PRKG2: variants seen among roughly 807,000 people sequenced by gnomAD.
PRKG2 encodes cGMP-dependent protein kinase 2.
Under a neutral mutation model 97.2 loss-of-function variants are expected in PRKG2, and 33 were observed. The ratio of observed to expected loss-of-function variants is 0.34; its 90% CI spans 0.26 to 0.45. PRKG2 has a LOEUF of 0.45. Among genes scored for constraint, PRKG2 ranks in the 20% least tolerant of loss-of-function variants. PRKG2 has a pLI of 1.00. For missense variants in PRKG2, 638 were observed against 900.0 expected, an observed-to-expected ratio of 0.71 and a Z score of 3.73; for synonymous variants, 330 against 321.8, an observed-to-expected ratio of 1.03 and a Z score of -0.27.
chr4:81,093,954 A>G (rs528946403), intron 17 of PRKG2, among the ~76,000 whole-genome samples: 2 of 152,272 alleles, frequency 1.3e-5, no homozygotes, highest in African/African-American at 4.8e-5. Flanking sequence ...GCCAACCGAT[A>G]TTTATGGAAA....
At chr4:81,187,169 C>G (rs1440474062) in intron 2 of PRKG2, among the ~76,000 whole-genome samples, 1 of 151,938 alleles carries the variant, frequency 6.6e-6, no homozygotes, top group Non-Finnish European at 1.5e-5. Context: ...AGAGACACAA[C>G]AAAAAAAGAA....
chr4:81,137,370 G>A (rs372764055), intron 13 of PRKG2, 23 bp downstream of exon 13: 10 of 1,525,804 alleles, frequency 6.6e-6, no homozygotes, highest in Non-Finnish European at 8.2e-6. Context: ...GGCCAGATGT[G>A]AGTATACAAA....
chr4:81,129,592 CT>C (rs1237194712), intron 14 of PRKG2, among the ~76,000 whole-genome samples: 4 of 152,022 alleles, frequency 2.6e-5, no homozygotes, highest in Non-Finnish European at 4.4e-5. Context: ...ATGTAATGCC[CT>C]TCTTTGTCTT....
chr4:81,140,479 C>T, intron 12 of PRKG2, 54 bp downstream of exon 12: 1 of 1,424,556 alleles, frequency 7.0e-7, no homozygotes, highest in Admixed American at 2.3e-5. Context: ...TAAGTAAATA[C>T]ATAAATAAAG....
chr4:81,148,848 G>A (rs750959758), intron 9 of PRKG2, 36 bp downstream of exon 9: 7 of 1,580,166 alleles, frequency 4.4e-6, no homozygotes, highest in Non-Finnish European at 6.1e-6. Flanking sequence ...TTCAAAGGTG[G>A]CAGTGGCCTG....
rs1401936272 is a variant in PRKG2 at position 81,088,994 on chromosome 4, G to A, written c.*714C>T. ...CAAGGACTTTCGAAAAGTCTCTAAG[G>A]TATCACTGATCATAAAGGAGAGAAA... On this transcript the variant is annotated 3_prime_UTR_variant, in exon 19 of 19. Transcript: ENST00000264399. The A allele has an allele frequency of 6.6e-6, 1 of 152,090 alleles. No homozygotes were observed. The highest frequency in any genetic ancestry group is 1.5e-5 in the Non-Finnish European group (1 of 68,014). 9.4% of individuals were successfully genotyped at this position (152,090 alleles called of 1,614,324 possible). A position where few individuals can be genotyped will look rare whatever the true frequency, so the allele number is the denominator to read the frequency against.
At chr4:81,159,807 T>A (rs928491534) in intron 6 of PRKG2, among the ~76,000 whole-genome samples, 13 of 151,774 alleles carry the variant, frequency 8.6e-5, no homozygotes, top group African/African-American at 2.9e-4. Context: ...ATGTCCTTTG[T>A]AGGGACATGG....
intron 1 of PRKG2, among the ~76,000 whole-genome samples, chr4:81,213,038 C>T (rs1488299127): frequency 2.6e-5 from 4 of 152,150 alleles, no homozygotes; most frequent in African/African-American, 9.7e-5. Context: ...AAAAAGAACA[C>T]ATAGGGCACC....
chr4:81,121,611 T>TTTTATTA (rs1360541465), intron 14 of PRKG2, among the ~76,000 whole-genome samples: 3 of 152,186 alleles, frequency 2.0e-5, no homozygotes, highest in Non-Finnish European at 2.9e-5. Flanking sequence ...CACAGTATTC[T>TTTTATTA]TTTATTATTA....
rs181114671 is a variant in PRKG2 at position 81,162,278 on chromosome 4, G to C, written c.912+4883C>G. Among the ~76,000 whole-genome samples, 3 of 152,266 alleles carry C rather than the reference G, an allele frequency of 2.0e-5. No individual in the cohort carries two copies. In the East Asian group the frequency reaches 5.8e-4, roughly 29 times the overall value. On this transcript the variant is annotated intron_variant, in intron 6 of 18. Coordinates refer to ENST00000264399, the MANE Select transcript of PRKG2 (RefSeq NM_006259.3). Reference sequence around the variant, plus strand: ...GTAAGCTGGTCACGAAAGTCTTCCAGAGGAATATATGATTGTCCAGGTAAG... The same window carrying C: ...GTAAGCTGGTCACGAAAGTCTTCCACAGGAATATATGATTGTCCAGGTAAG...
chr4:81,202,794 C>T (rs569520898), intron 2 of PRKG2, among the ~76,000 whole-genome samples: 4 of 151,672 alleles, frequency 2.6e-5, no homozygotes, highest in East Asian at 1.9e-4. Flanking sequence ...CAAGGAAATA[C>T]GCTTATCTCA....
At chr4:81,214,094 A>G (rs1754145257) in intron 1 of PRKG2, among the ~76,000 whole-genome samples, 1 of 151,000 alleles carries the variant, frequency 6.6e-6, no homozygotes, top group South Asian at 2.1e-4. Context: ...ACAATTTCTA[A>G]GAAACTCTAA....
chr4:81,156,746 C>T (rs1749133909), intron 6 of PRKG2, among the ~76,000 whole-genome samples: 1 of 152,210 alleles, frequency 6.6e-6, no homozygotes, highest in Non-Finnish European at 1.5e-5. Flanking sequence ...GACCACAGTG[C>T]AATCAAACTA....
At chr4:81,104,946 G>A (rs527331271) in intron 16 of PRKG2, among the ~76,000 whole-genome samples, 14 of 152,128 alleles carry the variant, frequency 9.2e-5, no homozygotes, top group Non-Finnish European at 1.9e-4. Context: ...ATTTTTAATG[G>A]TAAGTAGAAG....
Position 81,089,668 on chromosome 4 carries a change from C to A in PRKG2, c.*40G>T. 2 of 1,403,280 alleles carry A rather than the reference C, an allele frequency of 1.4e-6. No individual in the cohort carries two copies. The highest frequency in any genetic ancestry group is 2.0e-6 in the Non-Finnish European group (2 of 998,164). The allele number at this position is 1,403,280 out of a possible 1,614,324, so 86.9% of individuals were successfully genotyped here. A position where few individuals can be genotyped will look rare whatever the true frequency, so the allele number is the denominator to read the frequency against. On this transcript the variant is annotated 3_prime_UTR_variant, in exon 19 of 19. Coordinates refer to ENST00000264399, the MANE Select transcript of PRKG2 (RefSeq NM_006259.3). ...TGTTGGATTATTGATCCTTGAGGTC[C>A]TCTTCTGTAGAGTACAGGCAGTAAT...
At chr4:81,107,853 G>C (rs1743503252) in intron 15 of PRKG2, among the ~76,000 whole-genome samples, 1 of 152,100 alleles carries the variant, frequency 6.6e-6, no homozygotes, top group Admixed American at 6.6e-5. Flanking sequence ...AGTAAACAAA[G>C]ACTGAGAATT....
chr4:81,098,551 AG>A (rs1742363279), intron 17 of PRKG2, among the ~76,000 whole-genome samples: 1 of 152,166 alleles, frequency 6.6e-6, no homozygotes, highest in Non-Finnish European at 1.5e-5. Flanking sequence ...ATTTAAAGTG[AG>A]AGACTTGAGA....
chr4:81,099,347 C>A (rs554204985), intron 17 of PRKG2, among the ~76,000 whole-genome samples: 41 of 152,186 alleles, frequency 2.7e-4, no homozygotes, highest in African/African-American at 9.6e-4. Context: ...AGCAGCACAT[C>A]AAAAAGCTTA....
chr4:81,130,838 C>T (rs1466312343), intron 14 of PRKG2, among the ~76,000 whole-genome samples: 1 of 152,152 alleles, frequency 6.6e-6, no homozygotes, highest in Non-Finnish European at 1.5e-5. Context: ...CTCCCCCCAC[C>T]AAGCTCGAGC....
Sources: allele counts gnomAD v4.1 joint callset (sites outside exome capture counted in the v4.1 genomes callset), GRCh38; gene constraint gnomAD v4.1.1; transcripts MANE v1.5; gene names NCBI Gene and HGNC (gene_info 2026-07-23, HGNC 2026-07-21).